Variants in GRM7 observed in about 807,000 individuals in gnomAD.
GRM7 encodes metabotropic glutamate receptor 7.
In GRM7, 35 loss-of-function variants were observed where a neutral mutation model predicts 84.5. The observed-to-expected ratio is 0.41, with a 90% CI of 0.32 to 0.55. The LOEUF (loss-of-function observed/expected upper bound fraction) is 0.55. GRM7 is among the 20% of genes least tolerant of loss of function. The pLI, the probability that GRM7 is intolerant of heterozygous loss-of-function variation, is 0.19. For missense variants in GRM7, 1,003 were observed against 1,194.6 expected (o/e 0.84, Z 2.36); for synonymous variants, 487 against 455.1 (o/e 1.07, Z -0.89).
intron 7 of GRM7, among the ~76,000 whole-genome samples, 169 bp from the exon 8 acceptor site, chr3:7,578,243 GATGCTGGAAT>G (rs1695058515): frequency 6.6e-6 from 1 of 152,144 alleles, no homozygotes; most frequent in African/African-American, 2.4e-5. Flanking sequence ...GAAGAGTGAG[GATGCTGGAAT>G]CCTATGGTAT....
intron 1 of GRM7, among the ~76,000 whole-genome samples, chr3:7,080,441 G>T (rs1698239813): frequency 6.6e-6 from 1 of 151,930 alleles, no homozygotes; most frequent in Non-Finnish European, 1.5e-5. Flanking sequence ...TTCAAGTGAG[G>T]TTTTCATTCT....
At chr3:7,258,490 A>C (rs1020737355) in intron 2 of GRM7, among the ~76,000 whole-genome samples, 9 of 152,210 alleles carry the variant, frequency 5.9e-5, no homozygotes, top group African/African-American at 9.6e-5. Context: ...ATCTTTGTTA[A>C]AGAGATACAC....
chr3:7,325,240 G>C (rs765219269), intron 4 of GRM7, among the ~76,000 whole-genome samples: 1 of 152,176 alleles, frequency 6.6e-6, no homozygotes, highest in Non-Finnish European at 1.5e-5. Flanking sequence ...TGAGGTGAGG[G>C]AGATGGTTAC....
intron 1 of GRM7, among the ~76,000 whole-genome samples, chr3:7,133,058 G>A (rs1693655917): frequency 6.6e-6 from 1 of 151,966 alleles, no homozygotes; most frequent in African/African-American, 2.4e-5. Flanking sequence ...ACTTTAAGAA[G>A]TTCCTGGCTG....
chr3:7,122,093 T>C (rs996948463), intron 1 of GRM7, among the ~76,000 whole-genome samples: 6 of 152,188 alleles, frequency 3.9e-5, no homozygotes, highest in African/African-American at 1.4e-4. Flanking sequence ...AAAATCTCTT[T>C]TCTTTATAAA....
At chr3:6,881,790 C>G (rs1471675592) in intron 1 of GRM7, among the ~76,000 whole-genome samples, 2 of 152,144 alleles carry the variant, frequency 1.3e-5, no homozygotes, top group Non-Finnish European at 1.5e-5. Flanking sequence ...TGGCCACACT[C>G]AGATGCATAG....
intron 2 of GRM7, among the ~76,000 whole-genome samples, chr3:7,274,355 T>C (rs939649012): frequency 6.6e-6 from 1 of 152,074 alleles, no homozygotes. Flanking sequence ...CAGTGATCTT[T>C]TTTCCTCCAT....
intron 8 of GRM7, among the ~76,000 whole-genome samples, chr3:7,601,171 T>A (rs1696294235): frequency 6.6e-6 from 1 of 152,188 alleles, no homozygotes; most frequent in Middle Eastern, 3.2e-3. Context: ...AAGGCATTAA[T>A]AGAGAAGCAT....
At chr3:7,121,401 C>T (rs555924646) in intron 1 of GRM7, among the ~76,000 whole-genome samples, 3 of 150,358 alleles carry the variant, frequency 2.0e-5, no homozygotes, top group East Asian at 3.9e-4. Flanking sequence ...CATTGTAAGG[C>T]GTTGTGTTTA....
rs139711880 is a variant in GRM7, at chr3:7,536,378, A to G, written c.1516-42044A>G. On this transcript the variant is annotated intron_variant, in intron 7 of 9. Coordinates refer to ENST00000357716, the MANE Select transcript of GRM7 (RefSeq NM_000844.4). ...ACTTGGAATTGTCTCAGCAACGAAC[A>G]AAAACTGGGGTATTTAATCCAATGA... Among the ~76,000 whole-genome samples, 19 of 152,290 alleles carry G rather than the reference A, an allele frequency of 1.2e-4. No individual in the cohort carries two copies. The East Asian group carries it at 3.7e-3, about 29-fold the overall frequency.
chr3:7,312,936 C>CTTT (rs372557190), intron 4 of GRM7, among the ~76,000 whole-genome samples: 6 of 127,292 alleles, frequency 4.7e-5, no homozygotes, highest in African/African-American at 1.1e-4. Context: ...TTCTTTTTTT[C>CTTT]TTTTTTTTTT....
intron 1 of GRM7, among the ~76,000 whole-genome samples, chr3:7,064,517 T>TATATATAC (rs1202450804): frequency 2.7e-5 from 3 of 111,866 alleles, no homozygotes; most frequent in Non-Finnish European, 5.5e-5. Flanking sequence ...TATATATATA[T>TATATATAC]ACACACACAC....
At chr3:7,726,839 G>A (rs1210238067) in intron 9 of GRM7, among the ~76,000 whole-genome samples, 4 of 150,136 alleles carry the variant, frequency 2.7e-5, no homozygotes, top group Middle Eastern at 3.2e-3. Flanking sequence ...GTCAAGATAC[G>A]ATTTTCCCAA....
intron 7 of GRM7, among the ~76,000 whole-genome samples, chr3:7,577,441 G>A (rs565407597): frequency 5.3e-5 from 8 of 152,156 alleles, no homozygotes; most frequent in African/African-American, 1.4e-4. Context: ...AAGTTCAACC[G>A]CACAGAAAGC....
chr3:7,650,828 C>T lies in GRM7; in HGVS notation c.2452-29221C>T, dbSNP rs540304810. Among the ~76,000 whole-genome samples, 16 of 152,336 alleles carry T rather than the reference C, an allele frequency of 1.1e-4. No homozygotes were observed. The South Asian group carries it at 2.9e-3, about 28-fold the overall frequency. Reference sequence around the variant, plus strand: ...AGCCTCCTGGCTCCAAGAGATTCTCCTGCCTCAGCCTCCTGAGTAGCTGGG... The same window carrying T: ...AGCCTCCTGGCTCCAAGAGATTCTCTTGCCTCAGCCTCCTGAGTAGCTGGG... On this transcript the variant is annotated intron_variant, in intron 8 of 9. Transcript: ENST00000357716.
intron 1 of GRM7, among the ~76,000 whole-genome samples, chr3:7,057,893 GA>G (rs1697288295): frequency 6.6e-6 from 1 of 151,866 alleles, no homozygotes; most frequent in Admixed American, 6.6e-5. Context: ...TTAGGCAAAT[GA>G]AGCATATATA....
intron 1 of GRM7, among the ~76,000 whole-genome samples, chr3:6,996,139 C>G (rs1205174578): frequency 1.3e-5 from 2 of 152,114 alleles, no homozygotes; most frequent in African/African-American, 4.8e-5. Context: ...ACCTCCTCCT[C>G]CCGAGTTCAA....
chr3:7,313,915 GGAGAGAGAGAGA>G (rs35959092), intron 4 of GRM7, among the ~76,000 whole-genome samples: 1 of 149,680 alleles, frequency 6.7e-6, no homozygotes, highest in South Asian at 2.1e-4. Context: ...GTTGTAAAAT[GGAGAGAGAGAGA>G]GAGAGAGAGA....
At chr3:6,880,690 C>G (rs1000916333) in intron 1 of GRM7, among the ~76,000 whole-genome samples, 2 of 152,080 alleles carry the variant, frequency 1.3e-5, no homozygotes, top group Non-Finnish European at 2.9e-5. Context: ...TACTAAGAAT[C>G]CTTCAGCATT....
Sources: allele counts gnomAD v4.1 joint callset (sites outside exome capture counted in the v4.1 genomes callset), GRCh38; gene constraint gnomAD v4.1.1; transcripts MANE v1.5; gene names NCBI Gene and HGNC (gene_info 2026-07-23, HGNC 2026-07-21).